The following ZNF536 variants were observed in gnomAD, a reference collection of about 807,000 sequenced individuals.
ZNF536 encodes zinc finger protein 536.
A neutral mutation model predicts 84.5 loss-of-function variants in ZNF536; 13 were observed. That is an observed-to-expected ratio of 0.15 (90% CI 0.10 to 0.24). ZNF536 has a LOEUF of 0.24. Ranked by LOEUF, ZNF536 falls within the 10% of genes least tolerant of loss-of-function variation. ZNF536 has a pLI of 1.00. For missense variants in ZNF536, 1,536 were observed against 1,747.5 expected (o/e 0.88, Z 2.16); for synonymous variants, 811 against 742.5 (o/e 1.09, Z -1.50).
chr19:30,365,844 A>AAGCTATTAGCTTTATCGTAGC lies in ZNF536; in HGVS notation c.-3+13360_-3+13361insAGCTATTAGCTTTATCGTAGC, dbSNP rs1448722553. ...ATTATATTTAGCTTTGTCCTGGATA[A>AAGCTATTAGCTTTATCGTAGC]TAATAGCTACGAAATCTCTGGTTGA... On this transcript the variant is annotated intron_variant, in intron 3 of 5. Transcript: ENST00000585628. Among the ~76,000 whole-genome samples, 29 of 152,350 alleles carry AAGCTATTAGCTTTATCGTAGC rather than the reference A, an allele frequency of 1.9e-4. No individual in the cohort carries two copies. The East Asian group carries it at 5.6e-3, about 29-fold the overall frequency.
intron 2 of ZNF536, among the ~76,000 whole-genome samples, chr19:30,302,880 C>T (rs778089008): frequency 3.9e-5 from 6 of 152,120 alleles, no homozygotes; most frequent in Non-Finnish European, 7.3e-5. Flanking sequence ...GAGGGGAAGA[C>T]GACCCTTTCA....
At position 30,404,962 on chromosome 19, in the gene ZNF536, A is replaced by G. The variant is rs537376432; in HGVS notation, c.-3+32406A>G. ...TCCTATTAATTTGCCGGAGCAGCTC[A>G]TGGAAACATTTACTTATGTTTACCA... On this transcript the variant is annotated intron_variant, in intron 1 of 4. Coordinates refer to ENST00000355537, the MANE Select transcript of ZNF536 (RefSeq NM_014717.3). 5.3e-5 allele frequency among the ~76,000 whole-genome samples: 8 copies of G among 152,326 alleles called. No homozygotes were observed. In the East Asian group the frequency reaches 1.5e-3, roughly 29 times the overall value.
chr19:30,675,008 G>A (rs189187764), intron 1 of ZNF536, among the ~76,000 whole-genome samples: 144 of 152,252 alleles, frequency 9.5e-4, no homozygotes, highest in African/African-American at 3.2e-3. Context: ...GTGGCTGAGA[G>A]GCTCTGTTTC....
rs3084731 is a variant in ZNF536 at position 30,458,447 on chromosome 19, G to GTTTT, written c.2170+12735_2170+12738dup. On this transcript the variant is annotated intron_variant, in intron 2 of 4. Coordinates refer to ENST00000355537, the MANE Select transcript of ZNF536 (RefSeq NM_014717.3). ...CCAAGTATTTCCTCAATTTCCTGCT[G>GTTTT]TTTTTTTTTTTTTTTTTTTTTTTGA... 2.1e-3 allele frequency among the ~76,000 whole-genome samples: 179 copies of GTTTT among 83,482 alleles called. 13 individuals carry two copies. Among genetic ancestry groups the GTTTT allele is most frequent in the East Asian group, 7.0e-3 (21 of 2,986 alleles). The allele number at this position is 83,482 out of a possible 152,430, so 54.8% of individuals were successfully genotyped here. A position where few individuals can be genotyped will look rare whatever the true frequency, so the allele number is the denominator to read the frequency against.
At chr19:30,545,385 CTTTTTTTTTT>C (rs772761287) in intron 3 of ZNF536, among the ~76,000 whole-genome samples, 10 of 67,658 alleles carry the variant, frequency 1.5e-4, no homozygotes, top group South Asian at 1.1e-3. Flanking sequence ...TCCCATATGT[CTTTTTTTTTT>C]TTTTTTTTTT....
intron 1 of ZNF536, among the ~76,000 whole-genome samples, chr19:30,594,347 C>T (rs978134390): frequency 6.6e-6 from 1 of 152,190 alleles, no homozygotes; most frequent in South Asian, 2.1e-4. Flanking sequence ...CAGGGCCTGT[C>T]CCAGGCTGGT....
At chr19:30,421,624 A>T (rs1457170159) in intron 1 of ZNF536, among the ~76,000 whole-genome samples, 2 of 152,142 alleles carry the variant, frequency 1.3e-5, no homozygotes, top group Non-Finnish European at 2.9e-5. Flanking sequence ...CAGCCTCCCA[A>T]AGTACTGGGA....
Position 30,485,976 on chromosome 19 carries a change from G to A in ZNF536, c.2170+40244G>A, listed in dbSNP as rs185884418. On this transcript the variant is annotated intron_variant, in intron 2 of 4. Coordinates refer to ENST00000355537, the MANE Select transcript of ZNF536 (RefSeq NM_014717.3). The stretch of plus-strand genomic sequence containing the variant: ...TCAGAGAGGCTGTGGAAGTTGCTCC[G>A]AGACCAGTAAAGGTGTGTTTCATTA... Among the ~76,000 whole-genome samples, 10 of 152,220 alleles carry A rather than the reference G, an allele frequency of 6.6e-5. No individual in the cohort carries two copies. The East Asian group carries it at 7.7e-4, about 12-fold the overall frequency.
intron 2 of ZNF536, among the ~76,000 whole-genome samples, chr19:30,289,472 C>T (rs554216413): frequency 3.9e-5 from 6 of 152,330 alleles, no homozygotes; most frequent in Non-Finnish European, 2.9e-5. Context: ...ATGAGCCATG[C>T]GAGTGCCTGA....
At chr19:30,404,507 C>T (rs1214963336) in intron 1 of ZNF536, among the ~76,000 whole-genome samples, 7 of 152,152 alleles carry the variant, frequency 4.6e-5, no homozygotes, top group Admixed American at 4.6e-4. Context: ...CTCTGTGCCT[C>T]AGTTTCCTCA....
chr19:30,255,346 A>T (rs1193087117), intron 1 of ZNF536, among the ~76,000 whole-genome samples: 1 of 152,180 alleles, frequency 6.6e-6, no homozygotes, highest in Non-Finnish European at 1.5e-5. Context: ...AGATAGTTGC[A>T]GCTGATGAGC....
In ZNF536 at chr19:30,444,796, C is replaced by T; in HGVS notation, c.1234C>T (p.Pro412Ser). Residue 412 changes from proline to serine, a missense_variant, in exon 2 of 5, where the codon CCT becomes TCT. By Grantham distance (74) the Pro-to-Ser change is moderately conservative. Coordinates refer to ENST00000355537, the MANE Select transcript of ZNF536 (RefSeq NM_014717.3). ...CAAGTCCCCCAGCGACCCCGAGGTG[C>T]CTGTGCCCATGGGCGGCATGTCCCA... ...KNKSPSDPEVPVPMGGMSQEA... is the reference protein window; with the variant it reads ...KNKSPSDPEVSVPMGGMSQEA... 1 of 1,613,944 alleles carries T rather than the reference C, an allele frequency of 6.2e-7. No individual in the cohort carries two copies. The highest frequency in any genetic ancestry group is 1.3e-5 in the African/African-American group (1 of 75,072).
intron 2 of ZNF536, among the ~76,000 whole-genome samples, chr19:30,469,727 G>A (rs1448616725): frequency 2.6e-5 from 4 of 152,114 alleles, no homozygotes; most frequent in African/African-American, 9.7e-5. Context: ...CTGGCTTACA[G>A]CTCCCACCGC....
intron 1 of ZNF536, among the ~76,000 whole-genome samples, chr19:30,563,753 C>G (rs1166964698): frequency 6.6e-6 from 1 of 152,212 alleles, no homozygotes; most frequent in Non-Finnish European, 1.5e-5. Flanking sequence ...GCCAGGCAGG[C>G]TGACCTCACA....
intron 1 of ZNF536, among the ~76,000 whole-genome samples, chr19:30,415,305 TCTC>T (rs377042829): frequency 7.7e-4 from 103 of 134,520 alleles, no homozygotes; most frequent in East Asian, 1.7e-3. Flanking sequence ...TTCTTCTTCT[TCTC>T]CTTCTCCTTC....
chr19:30,294,569 G>A (rs903886654), intron 2 of ZNF536, among the ~76,000 whole-genome samples: 96 of 151,892 alleles, frequency 6.3e-4, no homozygotes, highest in African/African-American at 2.2e-3. Context: ...GTGTGTGTGT[G>A]TGTGTGTGTG....
chr19:30,705,830 A>G (rs2052204880), intron 1 of ZNF536, among the ~76,000 whole-genome samples: 1 of 152,256 alleles, frequency 6.6e-6, no homozygotes, highest in Non-Finnish European at 1.5e-5. Context: ...CCTAAGTGAA[A>G]ATGAAACCAA....
At chr19:30,573,093 G>C (rs1396684014) in intron 1 of ZNF536, among the ~76,000 whole-genome samples, 2 of 152,134 alleles carry the variant, frequency 1.3e-5, no homozygotes, top group Non-Finnish European at 2.9e-5. Flanking sequence ...AGATGAGAGA[G>C]GAACAGAGTT....
chr19:30,625,782 G>A (rs893134180), intron 1 of ZNF536, among the ~76,000 whole-genome samples: 1 of 152,180 alleles, frequency 6.6e-6, no homozygotes, highest in African/African-American at 2.4e-5. Flanking sequence ...ATGTAGGCAT[G>A]CCATGGACTC....
Sources: allele counts gnomAD v4.1 joint callset (sites outside exome capture counted in the v4.1 genomes callset), GRCh38; gene constraint gnomAD v4.1.1; transcripts MANE v1.5; gene names NCBI Gene and HGNC (gene_info 2026-07-23, HGNC 2026-07-21).